The following PCDH9 variants were observed in gnomAD, a reference collection of about 807,000 sequenced individuals.
PCDH9 encodes the protein protocadherin 9, also known as protocadherin-9.
A neutral mutation model predicts 70.6 loss-of-function variants in PCDH9; 24 were observed. The observed-to-expected ratio is 0.34, with a 90% CI of 0.25 to 0.48. The LOEUF is 0.48. Among genes scored for constraint, PCDH9 ranks in the 20% least tolerant of loss-of-function variants. The pLI is 0.99. For synonymous variants in PCDH9, 562 were observed against 558.5 expected (o/e 1.01, Z -0.09); for missense variants, 1,281 against 1,503.6 (o/e 0.85, Z 2.45).
At chr13:66,428,734 C>A (rs919785375) in intron 4 of PCDH9, among the ~76,000 whole-genome samples, 3 of 151,450 alleles carry the variant, frequency 2.0e-5, no homozygotes, top group African/African-American at 7.3e-5. Context: ...GGATCATTTG[C>A]AGATATTCTT....
intron 4 of PCDH9, among the ~76,000 whole-genome samples, chr13:66,578,477 A>G (rs1457073556): frequency 6.6e-6 from 1 of 151,962 alleles, no homozygotes; most frequent in African/African-American, 2.4e-5. Flanking sequence ...TAGGTCCTGG[A>G]TGATCATTCT....
At chr13:66,522,442 C>T (rs973110079) in intron 4 of PCDH9, among the ~76,000 whole-genome samples, 2 of 151,962 alleles carry the variant, frequency 1.3e-5, no homozygotes, top group African/African-American at 4.8e-5. Context: ...ATAAGAAAGA[C>T]AATTACAACA....
At chr13:66,733,603 ATCC>A (rs2079104660) in intron 3 of PCDH9, among the ~76,000 whole-genome samples, 1 of 152,036 alleles carries the variant, frequency 6.6e-6, no homozygotes, top group African/African-American at 2.4e-5. Context: ...GTTAAGTGGC[ATCC>A]AAACATTTAT....
chr13:66,364,097 G>T (rs1376847475), intron 4 of PCDH9, among the ~76,000 whole-genome samples: 1 of 152,118 alleles, frequency 6.6e-6, no homozygotes, highest in East Asian at 1.9e-4. Flanking sequence ...GGTGGTTGCA[G>T]TGAGCCAAGA....
intron 3 of PCDH9, among the ~76,000 whole-genome samples, chr13:66,729,714 A>T (rs2079048302): frequency 6.6e-6 from 1 of 152,112 alleles, no homozygotes; most frequent in South Asian, 2.1e-4. Flanking sequence ...TTGACCATCT[A>T]CTAGGCCAAT....
At chr13:66,728,560 T>G (rs1593962349) in intron 3 of PCDH9, among the ~76,000 whole-genome samples, 2 of 152,228 alleles carry the variant, frequency 1.3e-5, no homozygotes, top group Admixed American at 1.3e-4. Context: ...TTTTTGGCAT[T>G]GAGTTATTGT....
chr13:66,520,280 T>C (rs867970970), intron 4 of PCDH9, among the ~76,000 whole-genome samples: 19 of 152,310 alleles, frequency 1.2e-4, no homozygotes, highest in Middle Eastern at 3.4e-3. Flanking sequence ...TGATTTTTTT[T>C]CCGCTATTTC....
At chr13:67,007,591 C>T (rs1189015079) in intron 2 of PCDH9, among the ~76,000 whole-genome samples, 3 of 152,168 alleles carry the variant, frequency 2.0e-5, no homozygotes, top group Non-Finnish European at 2.9e-5. Flanking sequence ...TAAGAAATAA[C>T]TTAAATTCAC....
At chr13:66,730,876 G>GTGTGTT (rs1555262846) in intron 3 of PCDH9, among the ~76,000 whole-genome samples, 5 of 46,358 alleles carry the variant, frequency 1.1e-4, no homozygotes, top group South Asian at 1.4e-3. Flanking sequence ...GTGTGTGTGT[G>GTGTGTT]TTTTTTTTTT....
At chr13:67,148,171 G>A (rs539051273) in intron 2 of PCDH9, among the ~76,000 whole-genome samples, 3 of 150,132 alleles carry the variant, frequency 2.0e-5, no homozygotes, top group Non-Finnish European at 3.0e-5. Context: ...ATTTATAAGC[G>A]TATCTAAGAT....
chr13:66,835,842 T>C (rs1485483609), intron 3 of PCDH9, among the ~76,000 whole-genome samples: 1 of 152,138 alleles, frequency 6.6e-6, no homozygotes, highest in Non-Finnish European at 1.5e-5. Flanking sequence ...TTATTAAAGA[T>C]TGTCAAGGGC....
chr13:66,561,094 G>A (rs1016548222), intron 4 of PCDH9, among the ~76,000 whole-genome samples: 18 of 152,218 alleles, frequency 1.2e-4, no homozygotes, highest in East Asian at 3.9e-4. Flanking sequence ...CCCGGGCTGC[G>A]CGTGGTGCTT....
intron 2 of PCDH9, chr13:66,985,522 A>G (rs1244381624): frequency 1.3e-5 from 2 of 152,082 alleles, no homozygotes; most frequent in Non-Finnish European, 2.9e-5. Flanking sequence ...AGATGGTAAC[A>G]AGCTTGGAAT....
intron 2 of PCDH9, among the ~76,000 whole-genome samples, chr13:67,128,771 G>T (rs1446418019): frequency 6.6e-6 from 1 of 152,172 alleles, no homozygotes; most frequent in African/African-American, 2.4e-5. Context: ...AAGATGTTGA[G>T]CTTCCACCGT....
At chr13:66,582,307 T>C (rs2076903481) in intron 4 of PCDH9, among the ~76,000 whole-genome samples, 1 of 152,164 alleles carries the variant, frequency 6.6e-6, no homozygotes, top group East Asian at 1.9e-4. Flanking sequence ...ATTATCCTGA[T>C]ATTTCACTCA....
chr13:67,053,193 T>C (rs1195129096), intron 2 of PCDH9, among the ~76,000 whole-genome samples: 1 of 152,254 alleles, frequency 6.6e-6, no homozygotes, highest in Non-Finnish European at 1.5e-5. Flanking sequence ...ATCCAACTCA[T>C]TTTTTTAAAT....
chr13:66,912,062 G>A (rs2082476680), intron 2 of PCDH9, among the ~76,000 whole-genome samples: 1 of 152,032 alleles, frequency 6.6e-6, no homozygotes, highest in African/African-American at 2.4e-5. Context: ...AAACTAAAAT[G>A]GAAATTTCTG....
intron 2 of PCDH9, among the ~76,000 whole-genome samples, chr13:67,133,330 G>A (rs2087152159): frequency 6.6e-6 from 1 of 151,952 alleles, no homozygotes; most frequent in East Asian, 1.9e-4. Context: ...AAATAACAAA[G>A]AAGATTTTAG....
chr13:66,470,754 A>C (rs1338500808), intron 4 of PCDH9, among the ~76,000 whole-genome samples: 1 of 151,658 alleles, frequency 6.6e-6, no homozygotes, highest in African/African-American at 2.4e-5. Context: ...GGAAGCTCAC[A>C]TAAGAATTAG....
Sources: gnomAD v4.1 joint callset for allele counts (sites outside exome capture counted in the v4.1 genomes callset) on GRCh38, gnomAD v4.1.1 for gene constraint, MANE v1.5 for transcripts, NCBI Gene and HGNC (gene_info 2026-07-23, HGNC 2026-07-21) for gene names.